SPOCK1: variants seen among roughly 807,000 people sequenced by gnomAD.
SPOCK1 encodes the protein SPARC (osteonectin), cwcv and kazal like domains proteoglycan 1.
A neutral mutation model predicts 55.3 loss-of-function variants in SPOCK1; 23 were observed. The ratio of observed to expected loss-of-function variants is 0.42; its 90% CI spans 0.30 to 0.59. The LOEUF is 0.59. SPOCK1 is among the 20% of genes least tolerant of loss of function. The probability of loss-of-function intolerance (pLI) is 0.22; values close to 1 mark genes in which losing one functional copy is unlikely to be tolerated. For missense variants in SPOCK1, 499 were observed against 552.5 expected, an observed-to-expected ratio of 0.90 and a Z score of 0.97; for synonymous variants, 226 against 221.0, an observed-to-expected ratio of 1.02 and a Z score of -0.20.
chr5:137,110,443 T>C lies in SPOCK1; in HGVS notation c.474+1992A>G, dbSNP rs147161098. On this transcript the variant is annotated intron_variant, in intron 5 of 10. Transcript: ENST00000394945. ...GATGATTGTTTACACACCTAGGATCTGGGCCTTAAGTGAAAGACAATGATG... is the reference window on the plus strand; with the variant it reads ...GATGATTGTTTACACACCTAGGATCCGGGCCTTAAGTGAAAGACAATGATG... 5.9e-3 allele frequency among the ~76,000 whole-genome samples: 902 copies of C among 152,328 alleles called. 8 individuals are homozygous for C. The highest frequency in any genetic ancestry group is 0.02 in the African/African-American group (849 of 41,562).
intron 9 of SPOCK1, among the ~76,000 whole-genome samples, chr5:136,984,065 T>TAGAAAATCCTATGG (rs1411626877): frequency 1.3e-5 from 2 of 152,206 alleles, no homozygotes; most frequent in Non-Finnish European, 2.9e-5. Flanking sequence ...GTCTTTGCAC[T>TAGAAAATCCTATGG]AGAAAATCCT....
At chr5:137,246,156 T>A (rs1040748865) in intron 3 of SPOCK1, among the ~76,000 whole-genome samples, 1 of 152,230 alleles carries the variant, frequency 6.6e-6, no homozygotes, top group Non-Finnish European at 1.5e-5. Flanking sequence ...TGGACACACT[T>A]CAGGTTTTAA....
chr5:137,475,291 C>A (rs934485596), intron 2 of SPOCK1, among the ~76,000 whole-genome samples: 6 of 152,060 alleles, frequency 3.9e-5, no homozygotes, highest in African/African-American at 7.2e-5. Flanking sequence ...CAGAAGGACC[C>A]CCCTCGCCCC....
At chr5:137,155,304 C>A (rs967153414) in intron 3 of SPOCK1, among the ~76,000 whole-genome samples, 2 of 152,178 alleles carry the variant, frequency 1.3e-5, no homozygotes, top group Non-Finnish European at 2.9e-5. Flanking sequence ...TGTGAGCTGC[C>A]CTTGGTGCCA....
At chr5:137,314,971 G>T (rs1016111033) in intron 2 of SPOCK1, among the ~76,000 whole-genome samples, 6 of 152,276 alleles carry the variant, frequency 3.9e-5, no homozygotes, top group Admixed American at 2.0e-4. Flanking sequence ...GTTGTCTTCA[G>T]GAACATTTGA....
intron 2 of SPOCK1, among the ~76,000 whole-genome samples, chr5:137,491,889 T>C (rs1754187660): frequency 6.6e-6 from 1 of 152,170 alleles, no homozygotes; most frequent in Non-Finnish European, 1.5e-5. Flanking sequence ...TATACAACTA[T>C]AAATCAAGGA....
At chr5:137,221,014 G>A (rs1434629) in intron 3 of SPOCK1, among the ~76,000 whole-genome samples, 59,946 of 152,074 alleles carry the variant, frequency 0.39, 12,898 homozygotes, top group Non-Finnish European at 0.47. Context: ...CCACAGAAAC[G>A]TGGCCAGCAG....
intron 5 of SPOCK1, among the ~76,000 whole-genome samples, chr5:137,109,762 T>C (rs1049110579): frequency 1.3e-5 from 2 of 152,198 alleles, no homozygotes; most frequent in East Asian, 3.8e-4. Flanking sequence ...TGGAACATTC[T>C]ACTCCTCCAC....
chr5:137,142,785 T>G (rs180819929), intron 3 of SPOCK1, among the ~76,000 whole-genome samples: 56 of 152,306 alleles, frequency 3.7e-4, no homozygotes, highest in African/African-American at 1.3e-3. Flanking sequence ...TAAGTGGAAC[T>G]CTTTTGGTTC....
chr5:137,013,360 C>T (rs1306373724), intron 6 of SPOCK1, among the ~76,000 whole-genome samples: 1 of 152,176 alleles, frequency 6.6e-6, no homozygotes, highest in Non-Finnish European at 1.5e-5. Flanking sequence ...GTGGATATTT[C>T]CTGAAAAGTC....
chr5:137,252,881 A>G (rs917292821), intron 3 of SPOCK1, among the ~76,000 whole-genome samples: 2 of 152,094 alleles, frequency 1.3e-5, no homozygotes, highest in African/African-American at 4.8e-5. Flanking sequence ...CCACACTTCG[A>G]AGCTGGACAA....
At chr5:137,363,879 A>G (rs1751001407) in intron 2 of SPOCK1, among the ~76,000 whole-genome samples, 1 of 152,224 alleles carries the variant, frequency 6.6e-6, no homozygotes, top group South Asian at 2.1e-4. Context: ...GACAGGCTTG[A>G]GATGCACAAA....
intron 6 of SPOCK1, among the ~76,000 whole-genome samples, chr5:137,051,525 C>T (rs568972653): frequency 6.9e-4 from 105 of 152,246 alleles, no homozygotes; most frequent in African/African-American, 2.5e-3. Flanking sequence ...TTTATAAACA[C>T]ATATCAATGC....
At chr5:137,005,339 G>T (rs1751227253) in intron 6 of SPOCK1, among the ~76,000 whole-genome samples, 1 of 151,602 alleles carries the variant, frequency 6.6e-6, no homozygotes, top group Non-Finnish European at 1.5e-5. Flanking sequence ...TTTTAAAGGG[G>T]CTGGCAAGTT....
At chr5:137,414,158 G>A (rs189223953) in intron 2 of SPOCK1, among the ~76,000 whole-genome samples, 1 of 152,272 alleles carries the variant, frequency 6.6e-6, no homozygotes, top group Non-Finnish European at 1.5e-5. Flanking sequence ...ATAATTCTTA[G>A]GGATCAGACA....
At chr5:137,295,417 T>G (rs750676282) in intron 2 of SPOCK1, among the ~76,000 whole-genome samples, 3 of 152,244 alleles carry the variant, frequency 2.0e-5, no homozygotes, top group Non-Finnish European at 4.4e-5. Context: ...TAATATTCCC[T>G]GGAAACAGAG....
intron 2 of SPOCK1, among the ~76,000 whole-genome samples, chr5:137,474,141 G>A (rs1294802685): frequency 1.3e-5 from 2 of 151,982 alleles, no homozygotes; most frequent in East Asian, 1.9e-4. Flanking sequence ...ACGGTGCAGC[G>A]TATGGTGCAC....
chr5:137,298,166 G>C (rs193199983), intron 2 of SPOCK1, among the ~76,000 whole-genome samples: 1 of 152,308 alleles, frequency 6.6e-6, no homozygotes, highest in East Asian at 1.9e-4. Flanking sequence ...TGTGTGCAGT[G>C]AGGACCCAGT....
intron 4 of SPOCK1, among the ~76,000 whole-genome samples, chr5:137,123,208 C>T (rs190568036): frequency 5.3e-5 from 8 of 152,298 alleles, no homozygotes; most frequent in South Asian, 2.1e-4. Flanking sequence ...GGAGAGGAGA[C>T]GGAGCCCCAG....
Sources: allele counts gnomAD v4.1 joint callset (sites outside exome capture counted in the v4.1 genomes callset), GRCh38; gene constraint gnomAD v4.1.1; transcripts MANE v1.5; gene names NCBI Gene and HGNC (gene_info 2026-07-23, HGNC 2026-07-21).